Variants in WDR47 observed in about 807,000 individuals in gnomAD.
WDR47 encodes the protein WD repeat domain 47, also known as WD repeat-containing protein 47.
A neutral mutation model predicts 97.2 loss-of-function variants in WDR47; 32 were observed. The ratio of observed to expected loss-of-function variants is 0.33; its 90% CI spans 0.25 to 0.44. The LOEUF is 0.44. WDR47 is among the 20% of genes least tolerant of loss of function. The pLI is 1.00. For missense variants in WDR47, 782 were observed against 1,102.3 expected, an observed-to-expected ratio of 0.71 and a Z score of 4.11; for synonymous variants, 375 against 373.5, an observed-to-expected ratio of 1.00 and a Z score of -0.05.
Position 108,990,456 on chromosome 1 carries a change from GC to G in WDR47, c.1767+797del, listed in dbSNP as rs1188261156. ...GCTCCCGACCTCAGATGATCCAACT[GC>G]CTCAGCCTCCCAAAGTGCTGGGATT... On this transcript the variant is annotated intron_variant, in intron 9 of 14. Transcript: ENST00000369962. 3.3e-5 allele frequency among the ~76,000 whole-genome samples: 5 copies of G among 152,204 alleles called. No individual in the cohort carries two copies. In the South Asian group the frequency reaches 1.0e-3, roughly 32 times the overall value.
Position 108,983,785 on chromosome 1 carries a change from T to TAA in WDR47, c.1926-336_1926-335dup, listed in dbSNP as rs34460705. ...AAAAAGCTAACAATGCTTCCAAATT[T>TAA]AAAAAAAAAATGCAATAAGCATGTA... On this transcript the variant is annotated intron_variant, in intron 10 of 14. Coordinates refer to ENST00000369962, the MANE Select transcript of WDR47 (RefSeq NM_001142551.2). Among the ~76,000 whole-genome samples, 96 of 150,680 alleles carry TAA rather than the reference T, an allele frequency of 6.4e-4. No individual in the cohort carries two copies. The East Asian group carries it at 9.9e-3, about 16-fold the overall frequency.
intron 14 of WDR47, among the ~76,000 whole-genome samples, chr1:108,973,003 T>C (rs1037886376): frequency 1.3e-5 from 2 of 150,908 alleles, no homozygotes; most frequent in Non-Finnish European, 2.9e-5. Flanking sequence ...CTTCTGTGTC[T>C]CTCTCTCTTA....
intron 3 of WDR47, among the ~76,000 whole-genome samples, chr1:109,014,537 A>G (rs1164452830): frequency 6.6e-6 from 1 of 151,902 alleles, no homozygotes; most frequent in Non-Finnish European, 1.5e-5. Flanking sequence ...GGCCCAAGCA[A>G]TCCTCCTGCC....
At chr1:108,999,254 G>A (rs945053105) in intron 7 of WDR47, among the ~76,000 whole-genome samples, 1 of 151,182 alleles carries the variant, frequency 6.6e-6, no homozygotes, top group Non-Finnish European at 1.5e-5. Flanking sequence ...TATATTAAAG[G>A]GTTAGAACAG....
In WDR47 at chr1:108,970,335, G is replaced by C. The variant is rs780019025; in HGVS notation, c.*1095C>G. ...TACAGTGCACAGACAGTTCAATAAT[G>C]AGAACTAATACAACTGCATTTGAAA... is the stretch of plus-strand genomic sequence containing the variant. On this transcript the variant is annotated 3_prime_UTR_variant, in exon 15 of 15. Coordinates refer to ENST00000369962, the MANE Select transcript of WDR47 (RefSeq NM_001142551.2). 6.6e-6 allele frequency: 1 copy of C among 152,518 alleles called. No individual in the cohort carries two copies. The highest frequency in any genetic ancestry group is 1.9e-4 in the East Asian group (1 of 5,202). The allele number at this position is 152,518 out of a possible 1,614,324, so 9.4% of individuals were successfully genotyped here.
chr1:109,005,424 AAAG>A (rs773806917), intron 5 of WDR47, among the ~76,000 whole-genome samples: 24 of 152,236 alleles, frequency 1.6e-4, no homozygotes, highest in Non-Finnish European at 3.4e-4. Context: ...AAAAATAAAA[AAAG>A]AATATTTAGC....
intron 1 of WDR47, among the ~76,000 whole-genome samples, chr1:109,037,173 T>C (rs1670423631): frequency 6.7e-6 from 1 of 149,766 alleles, no homozygotes; most frequent in African/African-American, 2.5e-5. Context: ...CTACCAAAAA[T>C]ACAAAATTAG....
chr1:108,982,867 A>G, intron 11 of WDR47, 88 bp from the exon 12 acceptor site: 1 of 1,374,428 alleles, frequency 7.3e-7, no homozygotes, highest in Non-Finnish European at 9.9e-7. Flanking sequence ...AAAACTGGTC[A>G]AGAATAATGG....
intron 13 of WDR47, 98 bp from the exon 14 acceptor site, chr1:108,974,852 A>G (rs1657760618): frequency 1.1e-6 from 1 of 898,986 alleles, no homozygotes; most frequent in Non-Finnish European, 1.7e-6. Context: ...TAAAGATTTA[A>G]TGTAGTTTAT....
chr1:108,984,604 G>T (rs1307423118), intron 10 of WDR47, among the ~76,000 whole-genome samples: 1 of 152,168 alleles, frequency 6.6e-6, no homozygotes, highest in Non-Finnish European at 1.5e-5. Context: ...TCTAGGCAGG[G>T]TGTGATGGCT....
chr1:108,976,029 C>T (rs1200230992), intron 13 of WDR47, among the ~76,000 whole-genome samples: 4 of 152,102 alleles, frequency 2.6e-5, no homozygotes, highest in Non-Finnish European at 4.4e-5. Flanking sequence ...AGGGCCAGGC[C>T]GTCAAGCGCC....
At chr1:109,009,692 C>T (rs888325170) in intron 5 of WDR47, among the ~76,000 whole-genome samples, 12 of 151,998 alleles carry the variant, frequency 7.9e-5, no homozygotes, top group Non-Finnish European at 1.5e-4. Context: ...AATATATTCC[C>T]AGTTTTTAAA....
chr1:109,024,522 T>TA (rs1662069139), intron 1 of WDR47, among the ~76,000 whole-genome samples: 1 of 152,182 alleles, frequency 6.6e-6, no homozygotes, highest in Non-Finnish European at 1.5e-5. Flanking sequence ...CAATACTCTC[T>TA]AAGCTTCCTT....
chr1:109,011,770 A>G (rs1231075156), intron 4 of WDR47, 52 bp from the exon 5 acceptor site: 2 of 1,486,624 alleles, frequency 1.3e-6, no homozygotes, highest in Non-Finnish European at 1.8e-6. Flanking sequence ...ACATGCTATG[A>G]AATATGAAAA....
chr1:108,992,133 A>G, intron 8 of WDR47: 1 of 594,152 alleles, frequency 1.7e-6, no homozygotes, highest in Non-Finnish European at 3.0e-6. Flanking sequence ...CTTAGATATA[A>G]GAGGAAATAA....
intron 8 of WDR47, chr1:108,992,611 T>C: frequency 2.9e-6 from 4 of 1,392,092 alleles, no homozygotes; most frequent in Non-Finnish European, 2.0e-6. Flanking sequence ...TAGATGTAGA[T>C]TCTCTGGTCA....
chr1:109,026,480 C>CT (rs1210842788), intron 1 of WDR47, among the ~76,000 whole-genome samples: 2 of 151,930 alleles, frequency 1.3e-5, no homozygotes, highest in South Asian at 4.1e-4. Flanking sequence ...TTAGACAATT[C>CT]TTTTTTTTAT....
chr1:109,024,946 T>C (rs1217445875), intron 1 of WDR47: 1 of 152,212 alleles, frequency 6.6e-6, no homozygotes, highest in Non-Finnish European at 1.5e-5. Flanking sequence ...CAGTGAGCTA[T>C]GATCACACCA....
chr1:109,035,401 T>C (rs763565100), intron 1 of WDR47, among the ~76,000 whole-genome samples: 1 of 152,180 alleles, frequency 6.6e-6, no homozygotes, highest in Non-Finnish European at 1.5e-5. Context: ...TTTTATTTTT[T>C]ACTCTTTGCA....
Sources: allele counts gnomAD v4.1 joint callset (sites outside exome capture counted in the v4.1 genomes callset), GRCh38; gene constraint gnomAD v4.1.1; transcripts MANE v1.5; gene names NCBI Gene and HGNC (gene_info 2026-07-23, HGNC 2026-07-21).